The following RAB11FIP3 variants were observed in gnomAD, a reference collection of about 807,000 sequenced individuals.
RAB11FIP3 encodes rab11 family-interacting protein 3.
RAB11FIP3 carries 17 observed loss-of-function variants against 77.8 expected under a neutral mutation model. That is an observed-to-expected ratio of 0.22 (90% confidence interval 0.15 to 0.33). RAB11FIP3 has a LOEUF of 0.33. Among genes scored for constraint, RAB11FIP3 ranks in the 10% least tolerant of loss-of-function variants. RAB11FIP3 has a pLI of 1.00. For missense variants in RAB11FIP3, 1,005 were observed against 1,011.2 expected, an observed-to-expected ratio of 0.99 and a Z score of 0.08; for synonymous variants, 437 against 448.2, an observed-to-expected ratio of 0.98 and a Z score of 0.31.
intron 4 of RAB11FIP3, 71 bp from the exon 5 acceptor site, chr16:488,780 C>T: frequency 6.5e-7 from 1 of 1,530,430 alleles, no homozygotes; most frequent in Non-Finnish European, 8.9e-7. Flanking sequence ...ATGGAAAGCA[C>T]CTTCCACACC....
At position 426,322 on chromosome 16, in the gene RAB11FIP3, C is replaced by G; in HGVS notation, c.316C>G (p.Pro106Ala). The G allele has an allele frequency of 1.4e-6, 2 of 1,406,746 alleles. No homozygotes were observed. The highest frequency in any genetic ancestry group is 3.0e-5 in the East Asian group (1 of 32,982). 87.1% of individuals were successfully genotyped at this position (1,406,746 alleles called of 1,614,324 possible). A position where few individuals can be genotyped will look rare whatever the true frequency, so the allele number is the denominator to read the frequency against. Residue 106 changes from proline (P) to alanine (A), a missense_variant, in exon 1 of 14, where the codon CCG becomes GCG. Pro to Ala is a conservative substitution (Grantham distance 27). Transcript: ENST00000262305. The surrounding 1 kb of genome is among the most constrained non-coding windows in gnomAD (Gnocchi z 5.0). ...PRGQLASPDA[P>A]GPGPRSEAPL... ...GGGGCAGCTTGCGAGCCCCGACGCC[C>G]CGGGCCCAGGGCCGCGCTCCGAAGC...
chr16:500,116 T>C (rs927502631), intron 6 of RAB11FIP3, among the ~76,000 whole-genome samples: 6 of 152,186 alleles, frequency 3.9e-5, no homozygotes, highest in African/African-American at 1.2e-4. Context: ...GAGATGGAAG[T>C]GGCTTTCTCC....
At chr16:469,960 C>T (rs2055780353) in intron 2 of RAB11FIP3, among the ~76,000 whole-genome samples, 1 of 152,130 alleles carries the variant, frequency 6.6e-6, no homozygotes, top group Admixed American at 6.6e-5. Context: ...CAGGTGTGTC[C>T]CACAATGTCC....
rs868151378 is a variant in RAB11FIP3 at position 458,216 on chromosome 16, C to T, written c.715-3188C>T. 5.3e-5 allele frequency among the ~76,000 whole-genome samples: 8 copies of T among 152,380 alleles called. No homozygotes were observed. In the Middle Eastern group the frequency reaches 0.01, roughly 194 times the overall value. On this transcript the variant is annotated intron_variant, in intron 1 of 13. Transcript: ENST00000262305. ...CCTTGCTCTGGTGCCCTGTGTGCTT[C>T]GGGCTCTCTGGATTGCCTCCTGGGC...
chr16:459,786 T>G (rs2141644092), intron 1 of RAB11FIP3, among the ~76,000 whole-genome samples: 1 of 152,246 alleles, frequency 6.6e-6, no homozygotes, highest in African/African-American at 2.4e-5. Flanking sequence ...AATTGAGCAT[T>G]TTTTCATGTG....
chr16:449,810 G>A (rs2055377847), intron 1 of RAB11FIP3, among the ~76,000 whole-genome samples: 1 of 151,894 alleles, frequency 6.6e-6, no homozygotes, highest in Non-Finnish European at 1.5e-5. Flanking sequence ...AATTAGCCGT[G>A]CGTGATGGCG....
chr16:440,469 A>G (rs1188697807), intron 1 of RAB11FIP3, among the ~76,000 whole-genome samples: 6 of 152,138 alleles, frequency 3.9e-5, no homozygotes, highest in African/African-American at 7.2e-5. Flanking sequence ...AGTGGCCCAA[A>G]GTCCAAGGGA....
intron 5 of RAB11FIP3, among the ~76,000 whole-genome samples, chr16:489,820 G>C (rs1261752079): frequency 1.3e-5 from 2 of 152,180 alleles, no homozygotes; most frequent in African/African-American, 4.8e-5. Flanking sequence ...CCCTCCTTTT[G>C]TTTCCCATGT....
chr16:441,235 G>A (rs569416704), intron 1 of RAB11FIP3, among the ~76,000 whole-genome samples: 2 of 152,266 alleles, frequency 1.3e-5, no homozygotes, highest in South Asian at 2.1e-4. Context: ...CGTCGCCATC[G>A]CGCCTGGCCC....
chr16:427,104 G>A (rs1212676564), intron 1 of RAB11FIP3, among the ~76,000 whole-genome samples: 1 of 152,148 alleles, frequency 6.6e-6, no homozygotes, highest in East Asian at 1.9e-4. Flanking sequence ...CCCACCCGAG[G>A]GCCCAGATAC....
At chr16:474,911 G>A in intron 3 of RAB11FIP3, 2 of 1,531,870 alleles carry the variant, frequency 1.3e-6, no homozygotes, top group Middle Eastern at 1.7e-4. Flanking sequence ...CTCCAGGTGA[G>A]CGCACAGGCT....
rs143870320 is a variant in RAB11FIP3, at chr16:428,200, G to A, written c.714+1480G>A. Among the ~76,000 whole-genome samples the A allele has an allele frequency of 3.1e-3, 471 of 152,228 alleles. 14 individuals are homozygous for A. The East Asian group carries it at 0.038, about 12-fold the overall frequency. On this transcript the variant is annotated intron_variant, in intron 1 of 13. Transcript: ENST00000262305. ...AGAAGATGTGCAGACAGGTGCGTGC[G>A]GGGCAGCCTGCAATGCTCGCAAGCT...
intron 2 of RAB11FIP3, among the ~76,000 whole-genome samples, chr16:467,810 A>G (rs371888119): frequency 2.4e-3 from 47 of 19,304 alleles, no homozygotes; most frequent in Admixed American, 9.9e-3. Context: ...AGGTGCTGGG[A>G]CGTCAGGGAG....
At chr16:427,434 C>T (rs866182750) in intron 1 of RAB11FIP3, among the ~76,000 whole-genome samples, 1 of 152,210 alleles carries the variant, frequency 6.6e-6, no homozygotes, top group East Asian at 1.9e-4. Context: ...ACAGGCACTA[C>T]GCACAGTACA....
intron 5 of RAB11FIP3, among the ~76,000 whole-genome samples, chr16:492,397 C>CCCGAGGCCGTCCAGAGCCCTTCCCG (rs2030478035): frequency 7.8e-6 from 1 of 127,740 alleles, no homozygotes; most frequent in African/African-American, 3.1e-5. Context: ...GAGCCCTCCC[C>CCCGAGGCCGTCCAGAGCCCTTCCCG]GGGAGACCCG....
intron 6 of RAB11FIP3, among the ~76,000 whole-genome samples, chr16:500,272 C>G (rs953842533): frequency 6.6e-6 from 1 of 152,236 alleles, no homozygotes; most frequent in Non-Finnish European, 1.5e-5. Context: ...CAGCCAGGCT[C>G]GACCTACTGC....
chr16:458,208 G>C (rs1242126295), intron 1 of RAB11FIP3, among the ~76,000 whole-genome samples: 2 of 152,246 alleles, frequency 1.3e-5, no homozygotes, highest in African/African-American at 2.4e-5. Flanking sequence ...CTGGTGCCCT[G>C]TGTGCTTCGG....
At chr16:494,973 G>C (rs113770195) in intron 5 of RAB11FIP3, among the ~76,000 whole-genome samples, 4 of 92,886 alleles carry the variant, frequency 4.3e-5, no homozygotes, top group African/African-American at 4.3e-5. Flanking sequence ...CTGCTGAGGT[G>C]GGAGGATCAC....
chr16:466,440 C>T (rs968213771), intron 2 of RAB11FIP3, among the ~76,000 whole-genome samples: 2 of 152,128 alleles, frequency 1.3e-5, no homozygotes. Context: ...GCAAGCTCAG[C>T]TCTAGGGGTT....
Sources: gnomAD v4.1 joint callset for allele counts (sites outside exome capture counted in the v4.1 genomes callset) on GRCh38, gnomAD v4.1.1 for gene constraint, Gnocchi (gnomAD v3.1) non-coding constraint, MANE v1.5 for transcripts, NCBI Gene and HGNC (gene_info 2026-07-23, HGNC 2026-07-21) for gene names.